LPA: variants seen among roughly 807,000 people sequenced by gnomAD.
The protein encoded by LPA is lipoprotein(a), also known as apolipoprotein(a).
Under a neutral mutation model 197.9 loss-of-function variants are expected in LPA, and 199 were observed. The observed-to-expected ratio is 1.01, with a 90% CI of 0.90 to 1.13. The LOEUF is 1.13. Among genes scored for constraint, LPA ranks in the 50% most tolerant of loss-of-function variants. The pLI is 0.00. For missense variants in LPA, 1,853 were observed against 1,785.8 expected (o/e 1.04, Z -0.68); for synonymous variants, 715 against 639.5 (o/e 1.12, Z -1.78).
intron 26 of LPA, among the ~76,000 whole-genome samples, chr6:160,584,264 C>CTTCTTCT (rs1778860933): frequency 9.7e-6 from 1 of 103,488 alleles, no homozygotes; most frequent in African/African-American, 3.8e-5. Context: ...CCTCCTCTTC[C>CTTCTTCT]TCTTCCTCTT....
rs934081973 is a variant in LPA, at chr6:160,590,807, G to A, written c.3787+137C>T. The A allele has an allele frequency of 3.7e-5, 45 of 1,222,408 alleles. No individual in the cohort carries two copies. In the African/African-American group the frequency reaches 4.0e-4, roughly 11 times the overall value. 75.7% of individuals were successfully genotyped at this position (1,222,408 alleles called of 1,614,324 possible). A position where few individuals can be genotyped will look rare whatever the true frequency, so the allele number is the denominator to read the frequency against. On this transcript the variant is annotated intron_variant, in intron 23 of 38. Transcript: ENST00000316300. ...TGGTTCCCCCAGAGAAGGCGCTGAG[G>A]CTTCCTTCCCATTGGCTGACCCTGA...
intron 32 of LPA, 122 bp from the exon 33 acceptor site, chr6:160,545,655 T>C (rs1367406299): frequency 2.8e-6 from 2 of 719,162 alleles, no homozygotes; most frequent in African/African-American, 1.8e-5. Context: ...CTTCTTCCTT[T>C]CTATCATTAT....
Position 160,547,911 on chromosome 6 carries a change from A to G in LPA, c.5182T>C (p.Tyr1728His), listed in dbSNP as rs1423599911. ...QDCMFGNGKG[Y>H]RGKKATTVTG... ...ACAGTGGTTGCCTTCTTGCCCCGGT[A>G]TCCTTTCCCATTCCCAAACATACAG... The change falls in exon 32 of 39, where the codon TAC becomes CAC. Residue 1728 changes from tyrosine to histidine, a missense_variant. Tyr to His is a moderately conservative substitution (Grantham distance 83, BLOSUM62 2). Around this residue, in one of 3 missense-constraint regions of LPA, gnomAD observed 1,737 missense variants for 1,504.4 expected, o/e 1.15. Transcript: ENST00000316300. The G allele has an allele frequency of 1.9e-6, 3 of 1,614,046 alleles. No homozygotes were observed. The East Asian group carries it at 6.7e-5, about 36-fold the overall frequency.
intron 16 of LPA, among the ~76,000 whole-genome samples, chr6:160,609,592 A>T (rs1004369749): frequency 6.6e-6 from 1 of 152,010 alleles, no homozygotes; most frequent in Non-Finnish European, 1.5e-5. Context: ...AACGTTCTTC[A>T]TAATTGAAAA....
At chr6:160,601,217 T>C in intron 18 of LPA, 119 bp from the exon 19 acceptor site, 1 of 830,010 alleles carries the variant, frequency 1.2e-6, no homozygotes, top group Non-Finnish European at 2.1e-6. Context: ...AGAGATACCA[T>C]ACAATTGCCA....
At chr6:160,541,595 T>C (rs2114998922) in intron 34 of LPA, among the ~76,000 whole-genome samples, 1 of 152,338 alleles carries the variant, frequency 6.6e-6, no homozygotes, top group East Asian at 1.9e-4. Context: ...GATACGATCC[T>C]GAGCAGCAGT....
chr6:160,577,358 A>G, intron 27 of LPA, 63 bp from the exon 28 acceptor site: 2 of 1,485,380 alleles, frequency 1.3e-6, no homozygotes, highest in Non-Finnish European at 1.9e-6. Flanking sequence ...ATGGGAGACA[A>G]TTTATGTCAC....
At chr6:160,536,423 G>A (rs1777896081) in intron 37 of LPA, among the ~76,000 whole-genome samples, 1 of 152,144 alleles carries the variant, frequency 6.6e-6, no homozygotes, top group South Asian at 2.1e-4. Context: ...TGCTTAGGAT[G>A]TGCTCAGCAC....
chr6:160,552,455 T>C (rs558527932), intron 30 of LPA, among the ~76,000 whole-genome samples: 8 of 152,364 alleles, frequency 5.3e-5, no homozygotes, highest in African/African-American at 1.9e-4. Context: ...TTGAGCATAG[T>C]GTGTGAAATT....
intron 20 of LPA, among the ~76,000 whole-genome samples, chr6:160,597,222 G>A (rs960374280): frequency 1.3e-5 from 2 of 152,146 alleles, no homozygotes; most frequent in Non-Finnish European, 2.9e-5. Context: ...CTGCATATTT[G>A]TTCTAGCCTG....
At chr6:160,552,581 A>G (rs1051751568) in intron 30 of LPA, among the ~76,000 whole-genome samples, 4 of 152,190 alleles carry the variant, frequency 2.6e-5, no homozygotes, top group Non-Finnish European at 5.9e-5. Flanking sequence ...TTGAGCACGT[A>G]TATACTTTTG....
chr6:160,556,726 G>C (rs1205710323), intron 29 of LPA, among the ~76,000 whole-genome samples: 3 of 152,068 alleles, frequency 2.0e-5, no homozygotes, highest in Non-Finnish European at 4.4e-5. Context: ...TTACAGTAGA[G>C]ACAGGGAATC....
chr6:160,588,590 G>T (rs903902180), intron 24 of LPA, among the ~76,000 whole-genome samples: 1 of 152,068 alleles, frequency 6.6e-6, no homozygotes, highest in African/African-American at 2.4e-5. Context: ...CTGTGCATAC[G>T]CAGCTTTGTA....
At chr6:160,597,100 G>A (rs1330439562) in intron 20 of LPA, among the ~76,000 whole-genome samples, 3 of 152,194 alleles carry the variant, frequency 2.0e-5, no homozygotes, top group Non-Finnish European at 4.4e-5. Flanking sequence ...GTCATGTGTA[G>A]AGTACACCTC....
Position 160,578,703 on chromosome 6 carries a change from C to A in LPA, c.4291G>T (p.Gly1431Cys), listed in dbSNP as rs1778734290. The A allele has an allele frequency of 6.2e-7, 1 of 1,613,718 alleles. No individual in the cohort carries two copies. The highest frequency in any genetic ancestry group is 8.5e-7 in the Non-Finnish European group (1 of 1,179,870). The part of the protein sequence containing the change: ...RRIPLYYPNA[G>C]LTRNYCRNPD... ...TTCCTGCAGTAGTTCCTGGTCAGGC[C>A]ACTGCAAATTTCAAAACAACACAGG... The change falls in exon 27 of 39, where the codon GGC becomes TGC. Residue 1431 changes from glycine to cysteine, a missense_variant and splice_region_variant. Transcript: ENST00000316300.
chr6:160,652,563 A>G (rs1299619812), intron 1 of LPA, among the ~76,000 whole-genome samples: 1 of 152,164 alleles, frequency 6.6e-6, no homozygotes, highest in Non-Finnish European at 1.5e-5. Context: ...TTTCACAGAA[A>G]GAATGTGACT....
chr6:160,541,079 C>T (rs761191628), intron 35 of LPA, 28 bp downstream of exon 35: 7 of 1,600,616 alleles, frequency 4.4e-6, no homozygotes, highest in East Asian at 4.5e-5. Flanking sequence ...GAAGATAAGA[C>T]CCCATGTCAG....
intron 28 of LPA, among the ~76,000 whole-genome samples, chr6:160,575,939 C>A (rs149414862): frequency 9.9e-5 from 15 of 152,204 alleles, no homozygotes; most frequent in African/African-American, 3.6e-4. Flanking sequence ...CCTTTGTAAT[C>A]CCAAACTCTG....
chr6:160,599,373 G>A, intron 20 of LPA, 127 bp downstream of exon 20: 1 of 1,401,832 alleles, frequency 7.1e-7, no homozygotes, highest in Non-Finnish European at 1.0e-6. Flanking sequence ...AAGAACTTTT[G>A]CTCACAGGAA....
Sources: gnomAD v4.1 joint callset for allele counts (sites outside exome capture counted in the v4.1 genomes callset) on GRCh38, gnomAD v4.1.1 for gene constraint, gnomAD v4.1.1 regional missense constraint, MANE v1.5 for transcripts, NCBI Gene and HGNC (gene_info 2026-07-23, HGNC 2026-07-21) for gene names.